The following VWA5B1 variants were observed in gnomAD, a reference collection of about 807,000 sequenced individuals.
The protein encoded by VWA5B1 is von Willebrand factor A domain containing 5B1.
Under a neutral mutation model 118.2 loss-of-function variants are expected in VWA5B1, and 115 were observed. The ratio of observed to expected loss-of-function variants is 0.97; its 90% CI spans 0.84 to 1.14. The LOEUF (loss-of-function observed/expected upper bound fraction) is 1.14. Among genes scored for constraint, VWA5B1 ranks in the 50% most tolerant of loss-of-function variants. The probability of loss-of-function intolerance (pLI) is 0.00; values close to 1 mark genes in which losing one functional copy is unlikely to be tolerated. For missense variants in VWA5B1, 1,596 were observed against 1,603.8 expected (o/e 1.00, Z 0.08); for synonymous variants, 682 against 658.4 (o/e 1.04, Z -0.55).
intron 14 of VWA5B1, among the ~76,000 whole-genome samples, chr1:20,341,350 G>A (rs1014906543): frequency 3.9e-5 from 6 of 152,184 alleles, no homozygotes; most frequent in Admixed American, 2.6e-4. Flanking sequence ...GACCAAAGGG[G>A]CTTGCGCATT....
chr1:20,330,816 C>G, intron 10 of VWA5B1, 53 bp from the exon 11 acceptor site: 1 of 1,490,138 alleles, frequency 6.7e-7, no homozygotes, highest in Non-Finnish European at 9.2e-7. Flanking sequence ...CATCAGGAGG[C>G]AAAGATGCAG....
intron 8 of VWA5B1, among the ~76,000 whole-genome samples, chr1:20,327,201 T>C (rs1233920170): frequency 6.6e-6 from 1 of 152,162 alleles, no homozygotes; most frequent in African/African-American, 2.4e-5. Context: ...ACTCCATTAT[T>C]TACCCTCTGG....
rs1570097561 is a variant in VWA5B1 at position 20,314,368 on chromosome 1, ACC to A, written c.340_341del (p.Pro114GlyfsTer90). 1.3e-6 allele frequency: 2 copies of A among 1,551,814 alleles called. No homozygotes were observed. The highest frequency in any genetic ancestry group is 2.7e-5 in the African/African-American group (2 of 73,010). On this transcript the variant is annotated frameshift_variant, in exon 4 of 22. Coordinates refer to ENST00000289815, the MANE Select transcript of VWA5B1 (RefSeq NM_001039500.3). LOFTEE classifies it high-confidence loss of function. Reference protein sequence around the residue: ...GVSIAPHSCTPGKVTLDEDLE... With the variant: ...GVSIAPHSCTXGKVTLDEDLE... ...TTTCCATAGCCCCTCATTCCTGCACACCGGGAAAGGTGACCTTGGACGAGGAT... is the reference window on the plus strand; with the variant it reads ...TTTCCATAGCCCCTCATTCCTGCACAGGGAAAGGTGACCTTGGACGAGGAT...
At position 20,298,006 on chromosome 1, in the gene VWA5B1, T is replaced by G. The variant is rs543388360; in HGVS notation, c.-27+6918T>G. Among the ~76,000 whole-genome samples, 607 of 149,324 alleles carry G rather than the reference T, an allele frequency of 4.1e-3. 3 individuals carry two copies. Among genetic ancestry groups the G allele is most frequent in the Middle Eastern group, 0.014 (4 of 292 alleles). ...ATGACTCGGTGGTGGATTTTTTTTT[T>G]TTTTTTTTTTTTGTTTGTTCAGGGG... On this transcript the variant is annotated intron_variant, in intron 1 of 21. Transcript: ENST00000289815.
At position 20,353,794 on chromosome 1, in the gene VWA5B1, A is replaced by G. The variant is rs1006689608; in HGVS notation, c.3179A>G (p.Asn1060Ser). ...CTGGCCTCCGGAGCCTTCCTGCTCA[A>G]CGAAGCCTTCTGTGAGGCCACGCAC... ...LQLASGAFLL[N>S]EAFCEATHIP... Residue 1060 changes from asparagine to serine, a missense_variant, in exon 22 of 22, where the codon AAC becomes AGC. Transcript: ENST00000289815. The G allele has an allele frequency of 4.8e-6, 7 of 1,473,474 alleles. No individual in the cohort carries two copies. The Admixed American group carries it at 1.0e-4, about 21-fold the overall frequency. 91.3% of individuals were successfully genotyped at this position (1,473,474 alleles called of 1,614,324 possible). A position where few individuals can be genotyped will look rare whatever the true frequency, so the allele number is the denominator to read the frequency against.
In VWA5B1 at chr1:20,337,800, C is replaced by A; in HGVS notation, c.2097C>A (p.Thr699=). 5 of 1,551,860 alleles carry A rather than the reference C, an allele frequency of 3.2e-6. No individual in the cohort carries two copies. Among genetic ancestry groups the A allele is most frequent in the Non-Finnish European group, 4.4e-6 (5 of 1,147,060 alleles). Reference sequence around the variant, plus strand: ...GGCTGCAGGACCTCACCAACCAGACCAGCCTGGATGTCCAGCGGTGGCAGA... The same window carrying A: ...GGCTGCAGGACCTCACCAACCAGACAAGCCTGGATGTCCAGCGGTGGCAGA... The part of the protein sequence containing the change: ...KARLQDLTNQ[T]SLDVQRWQID... The change falls in exon 14 of 22, where the codon ACC becomes ACA. Residue 699 remains threonine (T), a synonymous_variant. Coordinates refer to ENST00000289815, the MANE Select transcript of VWA5B1 (RefSeq NM_001039500.3).
intron 8 of VWA5B1, 91 bp from the exon 9 acceptor site, chr1:20,327,799 C>T (rs1211161977): frequency 8.1e-6 from 9 of 1,104,302 alleles, no homozygotes; most frequent in South Asian, 1.4e-5. Context: ...TTGGAGGCTG[C>T]TCGTGTGCTG....
intron 4 of VWA5B1, among the ~76,000 whole-genome samples, chr1:20,315,098 A>G (rs1309039406): frequency 6.6e-6 from 1 of 152,158 alleles, no homozygotes; most frequent in Non-Finnish European, 1.5e-5. Flanking sequence ...TAAAAGACGG[A>G]CCCAACCTAG....
intron 17 of VWA5B1, among the ~76,000 whole-genome samples, chr1:20,346,369 G>T (rs1202098115): frequency 6.6e-6 from 1 of 152,192 alleles, no homozygotes; most frequent in Non-Finnish European, 1.5e-5. Flanking sequence ...TCTGGATTAT[G>T]CATTTTCTTC....
intron 16 of VWA5B1, among the ~76,000 whole-genome samples, chr1:20,344,746 A>G (rs1167640721): frequency 6.6e-6 from 1 of 152,146 alleles, no homozygotes; most frequent in African/African-American, 2.4e-5. Context: ...TTCTGTAATA[A>G]TATTATTTTG....
intron 7 of VWA5B1, among the ~76,000 whole-genome samples, chr1:20,322,663 A>G (rs10916765): frequency 0.19 from 29,561 of 152,196 alleles, 3,142 homozygotes; most frequent in East Asian, 0.39. Context: ...CTCCAGGACC[A>G]ACAACAGCAG....
chr1:20,321,500 G>A (rs996947050), intron 7 of VWA5B1, among the ~76,000 whole-genome samples: 1 of 152,178 alleles, frequency 6.6e-6, no homozygotes, highest in Non-Finnish European at 1.5e-5. Context: ...CAGGAGAATC[G>A]CTTGAACCAG....
At chr1:20,321,846 A>C (rs962504070) in intron 7 of VWA5B1, among the ~76,000 whole-genome samples, 1 of 152,178 alleles carries the variant, frequency 6.6e-6, no homozygotes, top group Non-Finnish European at 1.5e-5. Context: ...TATAGGGAGC[A>C]GAGTGGGTAG....
chr1:20,348,306 T>C lies in VWA5B1; in HGVS notation c.2826T>C (p.Ser942=). ...CCCAACAGTGGAGGGGCACCTCTTC[T>C]GGCTTTGGAAGGCCGCAGACGATGC... is the stretch of plus-strand genomic sequence containing the variant. ...ALAQQWRGTS[S]GFGRPQTMLG... The change falls in exon 18 of 22, where the codon TCT becomes TCC. Residue 942 remains serine (S), a synonymous_variant. Coordinates refer to ENST00000289815, the MANE Select transcript of VWA5B1 (RefSeq NM_001039500.3). The C allele has an allele frequency of 6.4e-7, 1 of 1,551,646 alleles. No homozygotes were observed.
In VWA5B1 at chr1:20,343,197, C is replaced by T. The variant is rs1216241806; in HGVS notation, c.2430C>T (p.Gly810=). 6.5e-7 allele frequency: 1 copy of T among 1,549,844 alleles called. No individual in the cohort carries two copies. Among genetic ancestry groups the T allele is most frequent in the Non-Finnish European group, 8.7e-7 (1 of 1,146,760 alleles). ...SRPATPAPVL[G]KALVKGLHDS... ...CCGCCACCCCGGCCCCGGTGCTGGGCAAGGCCCTGGTCAAAGGCCTGCACG... is the reference window on the plus strand; with the variant it reads ...CCGCCACCCCGGCCCCGGTGCTGGGTAAGGCCCTGGTCAAAGGCCTGCACG... The change falls in exon 16 of 22, where the codon GGC becomes GGT. Residue 810 remains glycine, a synonymous_variant. Transcript: ENST00000289815.
In VWA5B1 at chr1:20,358,815, C is replaced by T. The variant is rs972832922; in HGVS notation, c.*4552C>T. Among the ~76,000 whole-genome samples, 3 of 152,256 alleles carry T rather than the reference C, an allele frequency of 2.0e-5. No homozygotes were observed. Among genetic ancestry groups the T allele is most frequent in the Non-Finnish European group, 4.4e-5 (3 of 68,042 alleles). On this transcript the variant is annotated 3_prime_UTR_variant, in exon 22 of 22. Transcript: ENST00000289815. ...TTCTTCAGCTGTAACATAGCATGCT[C>T]TGCAAAGCCAGTGTAAAAATAACCA... is the stretch of plus-strand genomic sequence containing the variant.
Position 20,314,373 on chromosome 1 carries a change from G to A in VWA5B1, c.344G>A (p.Gly115Glu). ...VSIAPHSCTP[G>E]KVTLDEDLER... ...ATAGCCCCTCATTCCTGCACACCGG[G>A]AAAGGTGACCTTGGACGAGGATTTG... Residue 115 changes from glycine to glutamate, a missense_variant, in exon 4 of 22, where the codon GGA (glycine) becomes GAA (glutamate). Gly to Glu is a moderately conservative substitution (Grantham distance 98). Transcript: ENST00000289815. The A allele has an allele frequency of 6.4e-7, 1 of 1,552,028 alleles. No individual in the cohort carries two copies. Among genetic ancestry groups the A allele is most frequent in the East Asian group, 2.4e-5 (1 of 40,914 alleles).
intron 2 of VWA5B1, 130 bp from the exon 3 acceptor site, chr1:20,312,706 G>A: frequency 1.6e-6 from 2 of 1,271,362 alleles, no homozygotes; most frequent in Non-Finnish European, 2.0e-6. Flanking sequence ...CTCTGCCGAG[G>A]CCTCTCGGCA....
intron 3 of VWA5B1, 125 bp downstream of exon 3, chr1:20,313,113 T>C: frequency 7.7e-7 from 1 of 1,292,352 alleles, no homozygotes; most frequent in South Asian, 1.6e-5. Context: ...ACTGAACTAG[T>C]CAAGAATCTT....
Sources: gnomAD v4.1 joint callset for allele counts (sites outside exome capture counted in the v4.1 genomes callset) on GRCh38, gnomAD v4.1.1 for gene constraint, MANE v1.5 for transcripts, NCBI Gene and HGNC (gene_info 2026-07-23, HGNC 2026-07-21) for gene names.